The following EDARADD variants were observed in gnomAD, a reference collection of about 807,000 sequenced individuals.
EDARADD encodes EDAR associated via death domain.
EDARADD carries 20 observed loss-of-function variants against 25.6 expected under a neutral mutation model. The observed-to-expected ratio is 0.78, with a 90% CI of 0.55 to 1.14. EDARADD has a LOEUF of 1.14. Ranked by LOEUF, EDARADD falls within the 50% of genes most tolerant of loss-of-function variation. The pLI is 0.00. For missense variants in EDARADD, 225 were observed against 270.1 expected (o/e 0.83, Z 1.17); for synonymous variants, 86 against 94.4 (o/e 0.91, Z 0.52).
At chr1:236,358,052 G>C (rs891463232) in intron 3 of EDARADD, among the ~76,000 whole-genome samples, 1 of 152,054 alleles carries the variant, frequency 6.6e-6, no homozygotes, top group African/African-American at 2.4e-5. Flanking sequence ...TGTATTTTTA[G>C]AAGAGATGGG....
chr1:236,452,494 G>A lies in EDARADD; in HGVS notation c.220-15737G>A, dbSNP rs879813649. ...TCTGATGGTTTAAAAGTGTGTGGCCGATCCCCCCTCTCTCTCTCTCTTTCT... is the reference window on the plus strand; with the variant it reads ...TCTGATGGTTTAAAAGTGTGTGGCCAATCCCCCCTCTCTCTCTCTCTTTCT... On this transcript the variant is annotated intron_variant, in intron 4 of 5. Coordinates refer to ENST00000334232, the MANE Select transcript of EDARADD (RefSeq NM_145861.4). Among the ~76,000 whole-genome samples the A allele has an allele frequency of 2.6e-4, 36 of 136,542 alleles. No homozygotes were observed. In the Middle Eastern group the frequency reaches 0.012, roughly 46 times the overall value. 89.6% of individuals were successfully genotyped at this position (136,542 alleles called of 152,430 possible).
chr1:236,381,082 C>T (rs1667290999), intron 3 of EDARADD, among the ~76,000 whole-genome samples: 1 of 152,204 alleles, frequency 6.6e-6, no homozygotes, highest in South Asian at 2.1e-4. Context: ...CCGCCCCACC[C>T]TCAATCCTGG....
intron 3 of EDARADD, among the ~76,000 whole-genome samples, chr1:236,372,952 G>A (rs1207827858): frequency 1.7e-5 from 2 of 116,772 alleles, no homozygotes; most frequent in East Asian, 5.5e-4. Flanking sequence ...GTCGCTCTCT[G>A]TTACCCAGGC....
chr1:236,409,265 C>T lies in EDARADD; in HGVS notation c.111C>T (p.Ser37=). Residue 37 remains serine (S), a synonymous_variant, in exon 2 of 6, where the codon TCC becomes TCT. Coordinates refer to ENST00000334232, the MANE Select transcript of EDARADD (RefSeq NM_145861.4). The part of the protein sequence containing the change: ...PVEDTDPSTL[S]FNMSDKYPIQ... The stretch of plus-strand genomic sequence containing the variant: ...AAGACACAGACCCTAGCACTTTATC[C>T]TTTAATATGGTAGGTGACAAATTTT... The T allele has an allele frequency of 1.2e-6, 2 of 1,612,022 alleles. No homozygotes were observed. The highest frequency in any genetic ancestry group is 1.1e-5 in the South Asian group (1 of 90,940).
intron 3 of EDARADD, among the ~76,000 whole-genome samples, chr1:236,415,198 T>C (rs1246031022): frequency 6.6e-6 from 1 of 152,162 alleles, no homozygotes; most frequent in Non-Finnish European, 1.5e-5. Context: ...ATGGAGGACA[T>C]TGGCCAGGTC....
intron 4 of EDARADD, among the ~76,000 whole-genome samples, chr1:236,447,184 CT>C (rs1488018804): frequency 2.2e-5 from 1 of 46,140 alleles, no homozygotes; most frequent in East Asian, 3.5e-4. Flanking sequence ...TTCTTTCTTT[CT>C]TTCTTTCTTT....
chr1:236,441,479 T>G lies in EDARADD; in HGVS notation c.219+14029T>G, dbSNP rs1015746141. Among the ~76,000 whole-genome samples, 15 of 146,256 alleles carry G rather than the reference T, an allele frequency of 1.0e-4. No individual in the cohort carries two copies. In the Admixed American group the frequency reaches 1.0e-3, roughly 10 times the overall value. ...GAAATATTATATATTATATTATAAA[T>G]ATGTAAATATATATTTTATAATATG... On this transcript the variant is annotated intron_variant, in intron 4 of 5. Transcript: ENST00000334232.
At chr1:236,456,576 T>C (rs59864109) in intron 4 of EDARADD, among the ~76,000 whole-genome samples, 1 of 151,850 alleles carries the variant, frequency 6.6e-6, no homozygotes, top group Admixed American at 6.6e-5. Flanking sequence ...TCCCAGACTG[T>C]GACCTTGCCA....
At chr1:236,477,387 C>T (rs956254756) in intron 5 of EDARADD, among the ~76,000 whole-genome samples, 4 of 151,260 alleles carry the variant, frequency 2.6e-5, no homozygotes, top group Non-Finnish European at 5.9e-5. Flanking sequence ...TGGTGGCAGG[C>T]GCCTGTAGTC....
At chr1:236,455,644 A>G (rs1450460349) in intron 4 of EDARADD, among the ~76,000 whole-genome samples, 1 of 152,252 alleles carries the variant, frequency 6.6e-6, no homozygotes, top group East Asian at 1.9e-4. Context: ...GACTCACTTA[A>G]TTCAGCCTTG....
chr1:236,474,051 A>T (rs1465089548), intron 5 of EDARADD, among the ~76,000 whole-genome samples: 4 of 152,162 alleles, frequency 2.6e-5, no homozygotes, highest in Admixed American at 2.6e-4. Flanking sequence ...CATTTTATAG[A>T]TGAGGAGTCT....
intron 3 of EDARADD, 97 bp from the exon 4 acceptor site, chr1:236,427,295 G>A (rs1657945982): frequency 8.3e-7 from 1 of 1,204,238 alleles, no homozygotes; most frequent in Non-Finnish European, 1.2e-6. Flanking sequence ...AAGGCAGCAT[G>A]TGACACTGAA....
chr1:236,394,264 A>T (rs1667473194), upstream of EDARADD: 3 of 629,936 alleles, frequency 4.8e-6, no homozygotes, highest in Non-Finnish European at 8.3e-6. Context: ...CTTAAAAAAA[A>T]TTTCCCTTCC....
At chr1:236,396,084 C>A (rs754265784) in intron 1 of EDARADD, among the ~76,000 whole-genome samples, 1 of 152,308 alleles carries the variant, frequency 6.6e-6, no homozygotes, top group East Asian at 1.9e-4. Context: ...ACTCCTCTTC[C>A]TCTCTCCCAT....
At chr1:236,422,452 T>C (rs1205895670) in intron 3 of EDARADD, among the ~76,000 whole-genome samples, 1 of 152,176 alleles carries the variant, frequency 6.6e-6, no homozygotes, top group Non-Finnish European at 1.5e-5. Flanking sequence ...TAGGCAATGG[T>C]CCAAAAATTT....
intron 3 of EDARADD, among the ~76,000 whole-genome samples, chr1:236,366,285 T>C (rs1009159320): frequency 2.6e-5 from 4 of 152,200 alleles, no homozygotes; most frequent in African/African-American, 9.7e-5. Flanking sequence ...TTTTAAGATT[T>C]GTTAGGTGGG....
rs79704960 is a variant in EDARADD, at chr1:236,458,488, G to A, written c.220-9743G>A. Among the ~76,000 whole-genome samples, 367 of 152,288 alleles carry A rather than the reference G, an allele frequency of 2.4e-3. 2 individuals are homozygous for A. Among genetic ancestry groups the A allele is most frequent in the African/African-American group, 8.4e-3 (348 of 41,560 alleles). ...GAATCAGGAAGGAAGTACCTAGATT[G>A]TAACCAGTAACATGTGGGGAGTGAG... is the stretch of plus-strand genomic sequence containing the variant. On this transcript the variant is annotated intron_variant, in intron 4 of 5. Coordinates refer to ENST00000334232, the MANE Select transcript of EDARADD (RefSeq NM_145861.4).
At chr1:236,434,244 CT>C (rs200291409) in intron 4 of EDARADD, among the ~76,000 whole-genome samples, 36 of 146,352 alleles carry the variant, frequency 2.5e-4, no homozygotes, top group Non-Finnish European at 1.8e-4. Flanking sequence ...AATTTTTTTG[CT>C]TTTTTTTTTT....
At chr1:236,422,197 T>C (rs1657800464) in intron 3 of EDARADD, among the ~76,000 whole-genome samples, 1 of 152,176 alleles carries the variant, frequency 6.6e-6, no homozygotes, top group South Asian at 2.1e-4. Flanking sequence ...CTGCCTGATA[T>C]GAGAGGGGAG....
Sources: allele counts gnomAD v4.1 joint callset (sites outside exome capture counted in the v4.1 genomes callset), GRCh38; gene constraint gnomAD v4.1.1; transcripts MANE v1.5; gene names NCBI Gene and HGNC (gene_info 2026-07-23, HGNC 2026-07-21).